The following ATP2A2 variants were observed in gnomAD, a reference collection of about 807,000 sequenced individuals.
ATP2A2 encodes the protein sarcoplasmic/endoplasmic reticulum calcium ATPase 2.
A neutral mutation model predicts 109.3 loss-of-function variants in ATP2A2; 14 were observed. That is an observed-to-expected ratio of 0.13 (90% confidence interval 0.08 to 0.20). ATP2A2 has a LOEUF of 0.20. Ranked by LOEUF, ATP2A2 falls within the 10% of genes least tolerant of loss-of-function variation. The pLI is 1.00. For missense variants in ATP2A2, 657 were observed against 1,321.6 expected (o/e 0.50, Z 7.80); for synonymous variants, 506 against 490.9 (o/e 1.03, Z -0.41).
intron 4 of ATP2A2, among the ~76,000 whole-genome samples, chr12:110,292,528 C>T (rs1431889923): frequency 1.3e-5 from 2 of 152,292 alleles, no homozygotes; most frequent in East Asian, 3.9e-4. Context: ...CTCAGCCTCC[C>T]AAAGTGCTGG....
At position 110,350,637 on chromosome 12, in the gene ATP2A2, C is replaced by T. The variant is rs1336816677; in HGVS notation, c.*4167C>T. 2.3e-6 allele frequency: 1 copy of T among 430,376 alleles called. No individual in the cohort carries two copies. The highest frequency in any genetic ancestry group is 2.0e-5 in the African/African-American group (1 of 50,346). The allele number at this position is 430,376 out of a possible 1,614,324, so 26.7% of individuals were successfully genotyped here. A position where few individuals can be genotyped will look rare whatever the true frequency, so the allele number is the denominator to read the frequency against. On this transcript the variant is annotated 3_prime_UTR_variant, in exon 20 of 20. Transcript: ENST00000539276. ...TCAGCCAAGTCGCCACATTTCTCTG[C>T]AAAATGTCATAGCTTATATAAATGT...
intron 18 of ATP2A2, 193 bp from the exon 19 acceptor site, chr12:110,345,808 A>G (rs1323003900): frequency 3.0e-6 from 2 of 675,928 alleles, no homozygotes; most frequent in East Asian, 2.7e-5. Flanking sequence ...CAAAACATAG[A>G]TACAGAATTC....
intron 4 of ATP2A2, among the ~76,000 whole-genome samples, chr12:110,295,764 C>T (rs1297121967): frequency 1.3e-5 from 2 of 152,112 alleles, no homozygotes; most frequent in African/African-American, 2.4e-5. Context: ...TGACTTCTAA[C>T]GGTTGATAGT....
At chr12:110,322,368 A>C (rs1188345662) in intron 5 of ATP2A2, among the ~76,000 whole-genome samples, 4 of 152,030 alleles carry the variant, frequency 2.6e-5, no homozygotes, top group Non-Finnish European at 5.9e-5. Flanking sequence ...GGTGGTGTGC[A>C]CCTGTAGTCC....
Position 110,328,025 on chromosome 12 carries a change from G to T in ATP2A2, c.1095+8G>T, listed in dbSNP as rs1313795441. 1 of 1,609,308 alleles carries T rather than the reference G, an allele frequency of 6.2e-7. No homozygotes were observed. The highest frequency in any genetic ancestry group is 1.1e-5 in the South Asian group (1 of 90,928). ...CAGATGTCAGTCTGCAGGGTAAGAGGAGTAATTTAGAATATTCCGTGTCGT... is the reference window on the plus strand; with the variant it reads ...CAGATGTCAGTCTGCAGGGTAAGAGTAGTAATTTAGAATATTCCGTGTCGT... On this transcript the variant is annotated splice_region_variant and intron_variant, in intron 8 of 19. Transcript: ENST00000539276.
rs776436490 is a variant in ATP2A2, at chr12:110,334,129, A to G, written c.1405A>G (p.Asn469Asp). ...GGGTCTTTCTAAAATAGAACGTGCA[A>G]ATGCCTGCAACTCAGTGAGTATTTG... ...LKGLSKIERA[N>D]ACNSVIKQLM... The change falls in exon 11 of 20, where the codon AAT becomes GAT. Residue 469 changes from asparagine (N) to aspartate (D), a missense_variant. Asn to Asp is a conservative substitution (Grantham distance 23). Transcript: ENST00000539276. The G allele has an allele frequency of 6.2e-7, 1 of 1,614,024 alleles. No homozygotes were observed. Among genetic ancestry groups the G allele is most frequent in the Non-Finnish European group, 8.5e-7 (1 of 1,180,026 alleles).
At chr12:110,345,459 T>G in intron 18 of ATP2A2, 77 bp downstream of exon 18, 6 of 1,584,598 alleles carry the variant, frequency 3.8e-6, no homozygotes, top group Non-Finnish European at 1.7e-6. Context: ...TAGTCACGGT[T>G]GATTGAGGAT....
intron 5 of ATP2A2, among the ~76,000 whole-genome samples, chr12:110,301,814 T>C (rs1035372766): frequency 1.3e-5 from 2 of 152,238 alleles, no homozygotes; most frequent in Non-Finnish European, 2.9e-5. Context: ...CATCTTGTGC[T>C]GCTCCTTCAT....
chr12:110,338,189 C>T (rs780543337), intron 11 of ATP2A2, among the ~76,000 whole-genome samples: 5 of 152,188 alleles, frequency 3.3e-5, no homozygotes, highest in Non-Finnish European at 7.4e-5. Context: ...CTCCCATGAT[C>T]TCTTCTGGTC....
chr12:110,329,685 G>C (rs1381548977), intron 8 of ATP2A2: 3 of 152,090 alleles, frequency 2.0e-5, no homozygotes, highest in Admixed American at 6.6e-5. Context: ...GCCTCCCAAA[G>C]TGCTGGGATT....
chr12:110,325,576 CA>C (rs1285416695), intron 6 of ATP2A2, among the ~76,000 whole-genome samples: 1 of 150,414 alleles, frequency 6.6e-6, no homozygotes, highest in African/African-American at 2.5e-5. Context: ...TTCAGTAAGC[CA>C]AGATTGTGCC....
chr12:110,291,273 G>A (rs769551633), intron 3 of ATP2A2, among the ~76,000 whole-genome samples: 5 of 150,788 alleles, frequency 3.3e-5, no homozygotes, highest in Admixed American at 2.6e-4. Context: ...GCACGATCTC[G>A]GCTCACTGCC....
chr12:110,296,470 T>C (rs1873974280), intron 4 of ATP2A2, 129 bp from the exon 5 acceptor site: 1 of 1,216,942 alleles, frequency 8.2e-7, no homozygotes, highest in Admixed American at 1.8e-5. Context: ...TGTGAATTGT[T>C]TAGTACAAAT....
intron 11 of ATP2A2, among the ~76,000 whole-genome samples, chr12:110,336,335 T>G (rs1055941073): frequency 6.6e-6 from 1 of 152,164 alleles, no homozygotes; most frequent in African/African-American, 2.4e-5. Context: ...TACACAGCTG[T>G]ATAAAGGCAA....
intron 3 of ATP2A2, among the ~76,000 whole-genome samples, chr12:110,283,282 C>T (rs1230345242): frequency 6.6e-6 from 1 of 152,114 alleles, no homozygotes. Flanking sequence ...GTGATGGCAC[C>T]CTTGTTGACC....
At chr12:110,285,535 T>C (rs1245907953) in intron 3 of ATP2A2, among the ~76,000 whole-genome samples, 2 of 152,160 alleles carry the variant, frequency 1.3e-5, no homozygotes, top group African/African-American at 2.4e-5. Context: ...CAGAGACCCT[T>C]ACCTGGAGGA....
chr12:110,350,199 CTG>C lies in ATP2A2; in HGVS notation c.*3731_*3732del, dbSNP rs1880270413. 6.2e-7 allele frequency: 1 copy of C among 1,612,210 alleles called. No homozygotes were observed. Among genetic ancestry groups the C allele is most frequent in the African/African-American group, 1.3e-5 (1 of 74,854 alleles). ...GATCAAGCTGAATGTTCCTTTTCAT[CTG>C]TCGCTGTTGATCTTCATCTATTTAA... On this transcript the variant is annotated 3_prime_UTR_variant, in exon 20 of 20. Coordinates refer to ENST00000539276, the MANE Select transcript of ATP2A2 (RefSeq NM_170665.4).
chr12:110,304,026 T>TTA (rs1874977761), intron 5 of ATP2A2, among the ~76,000 whole-genome samples: 1 of 152,214 alleles, frequency 6.6e-6, no homozygotes, highest in South Asian at 2.1e-4. Flanking sequence ...CACAGTTTAT[T>TTA]ATCTGTTTTG....
At chr12:110,321,097 G>T (rs1199742423) in intron 5 of ATP2A2, among the ~76,000 whole-genome samples, 1 of 152,102 alleles carries the variant, frequency 6.6e-6, no homozygotes, top group Non-Finnish European at 1.5e-5. Flanking sequence ...TTGTGGTGGC[G>T]CACGCCTGTA....
Sources: allele counts gnomAD v4.1 joint callset (sites outside exome capture counted in the v4.1 genomes callset), GRCh38; gene constraint gnomAD v4.1.1; transcripts MANE v1.5; gene names NCBI Gene and HGNC (gene_info 2026-07-23, HGNC 2026-07-21).